The following CD3D variants were observed in gnomAD, a reference collection of about 807,000 sequenced individuals.
CD3D encodes CD3 delta subunit of T-cell receptor complex.
Under a neutral mutation model 22.0 loss-of-function variants are expected in CD3D, and 22 were observed. The ratio of observed to expected loss-of-function variants is 1.00; its 90% CI spans 0.71 to 1.43. The LOEUF is 1.43. Among genes scored for constraint, CD3D ranks in the 40% most tolerant of loss-of-function variants. CD3D has a pLI of 0.00. For missense variants in CD3D, 205 were observed against 211.7 expected, an observed-to-expected ratio of 0.97 and a Z score of 0.20; for synonymous variants, 74 against 81.2, an observed-to-expected ratio of 0.91 and a Z score of 0.48.
rs1191172324 is a variant in CD3D at position 118,340,558 on chromosome 11, C to T, written c.91G>A (p.Asp31Asn). 1 of 1,613,950 alleles carries T rather than the reference C, an allele frequency of 6.2e-7. No homozygotes were observed. The highest frequency in any genetic ancestry group is 1.3e-5 in the African/African-American group (1 of 74,894). ...PFKIPIEELE[D>N]RVFVNCNTSI... ...GTATTGCAATTCACAAACACTCTGT[C>T]CTCAAGTTCCTCTATAGGTATCTTG... is the stretch of plus-strand genomic sequence containing the variant. The change falls in exon 2 of 5, where the codon GAC becomes AAC. Residue 31 changes from aspartate (D) to asparagine (N), a missense_variant. Physicochemically the swap from Asp to Asn is conservative, Grantham distance 23 (BLOSUM62 1). Transcript: ENST00000300692.
intron 1 of CD3D, 23 bp downstream of exon 1, chr11:118,342,530 C>A: frequency 6.2e-7 from 1 of 1,611,038 alleles, no homozygotes; most frequent in Non-Finnish European, 8.5e-7. Flanking sequence ...GTCCCTTCCC[C>A]CACCCACCTG....
At chr11:118,339,271 C>T in intron 4 of CD3D, 44 bp from the exon 5 acceptor site, 1 of 1,586,818 alleles carries the variant, frequency 6.3e-7, no homozygotes, top group South Asian at 1.1e-5. Flanking sequence ...AGGGTTAGAA[C>T]TCTTCAAGGA....
At chr11:118,339,724 A>G in intron 3 of CD3D, 51 bp downstream of exon 3, 1 of 1,610,368 alleles carries the variant, frequency 6.2e-7, no homozygotes, top group South Asian at 1.1e-5. Flanking sequence ...ACACACACAC[A>G]CACACACACA....
chr11:118,342,489 G>T, intron 1 of CD3D, 64 bp downstream of exon 1: 1 of 1,421,802 alleles, frequency 7.0e-7, no homozygotes, highest in Non-Finnish European at 9.9e-7. Flanking sequence ...TTTCAAGTGG[G>T]CCTCACTCCC....
chr11:118,340,541 A>G lies in CD3D; in HGVS notation c.108T>C (p.Asn36=). 1 of 1,614,080 alleles carries G rather than the reference A, an allele frequency of 6.2e-7. No individual in the cohort carries two copies. Among genetic ancestry groups the G allele is most frequent in the East Asian group, 2.2e-5 (1 of 44,858 alleles). ...CTACCCATGTGATGCTGGTATTGCA[A>G]TTCACAAACACTCTGTCCTCAAGTT... is the stretch of plus-strand genomic sequence containing the variant. ...IEELEDRVFV[N]CNTSITWVEG... is the part of the protein sequence containing the mutation. Residue 36 remains asparagine (N), a synonymous_variant, in exon 2 of 5, where the codon AAT becomes AAC. Coordinates refer to ENST00000300692, the MANE Select transcript of CD3D (RefSeq NM_000732.6).
chr11:118,339,362 C>G (rs1296927698), intron 4 of CD3D, 89 bp downstream of exon 4: 1 of 1,526,758 alleles, frequency 6.5e-7, no homozygotes, highest in Non-Finnish European at 9.1e-7. Context: ...CCAGTAGGAC[C>G]CTTCCCACGT....
Position 118,339,236 on chromosome 11 carries a change from G to A in CD3D, c.451-9C>T, listed in dbSNP as rs768234684. On this transcript the variant is annotated splice_polypyrimidine_tract_variant and intron_variant, in intron 4 of 4. Transcript: ENST00000300692. ...TCTCGATCTCGGAGGGGCTAAGAGA[G>A]GAGAAGAGAAAACGGTCAGGAGGCA... The A allele has an allele frequency of 9.9e-6, 16 of 1,613,076 alleles. No homozygotes were observed. Among genetic ancestry groups the A allele is most frequent in the Non-Finnish European group, 1.4e-5 (16 of 1,179,224 alleles).
chr11:118,339,744 A>AG, intron 3 of CD3D, 31 bp downstream of exon 3: 2 of 1,610,574 alleles, frequency 1.2e-6, no homozygotes, highest in Non-Finnish European at 1.7e-6. Flanking sequence ...ACACACACAA[A>AG]CACACTCTCA....
chr11:118,340,112 C>T (rs1159424438), intron 2 of CD3D, among the ~76,000 whole-genome samples: 1 of 152,146 alleles, frequency 6.6e-6, no homozygotes, highest in Non-Finnish European at 1.5e-5. Flanking sequence ...GAAGTAATCT[C>T]AGCTTTTGGG....
chr11:118,339,109 G>A lies in CD3D; in HGVS notation c.*53C>T, dbSNP rs2134058443. ...GAGGATATATTTATTGGCTGAGCAA[G>A]AAGGGAAGGTACAGTTGGTAATGGC... On this transcript the variant is annotated 3_prime_UTR_variant, in exon 5 of 5. Coordinates refer to ENST00000300692, the MANE Select transcript of CD3D (RefSeq NM_000732.6). 1 of 1,445,704 alleles carries A rather than the reference G, an allele frequency of 6.9e-7. No individual in the cohort carries two copies. Among genetic ancestry groups the A allele is most frequent in the South Asian group, 1.1e-5 (1 of 87,746 alleles). The allele number at this position is 1,445,704 out of a possible 1,614,324, so 89.6% of individuals were successfully genotyped here.
rs3212267 is a variant in CD3D at position 118,339,446 on chromosome 11, C to T, written c.450+5G>A. 2.9e-5 allele frequency: 46 copies of T among 1,613,996 alleles called. No homozygotes were observed. The highest frequency in any genetic ancestry group is 3.1e-5 in the Non-Finnish European group (37 of 1,180,016). On this transcript the variant is annotated splice_donor_5th_base_variant and intron_variant, in intron 4 of 4. Coordinates refer to ENST00000300692, the MANE Select transcript of CD3D (RefSeq NM_000732.6). Reference sequence around the variant, plus strand: ...CATTCCTGCCTCCTTCCCCTCAACGCTCACCTGATAGACCTGGTCATTCCT... The same window carrying T: ...CATTCCTGCCTCCTTCCCCTCAACGTTCACCTGATAGACCTGGTCATTCCT...
rs745794915 is a variant in CD3D at position 118,339,225 on chromosome 11, G to A, written c.453C>T (p.Pro151=). ...ACTGAGCATCATCTCGATCTCGGAG[G>A]GGCTAAGAGAGGAGAAGAGAAAACG... is the stretch of plus-strand genomic sequence containing the variant. ...ALLRNDQVYQ[P]LRDRDDAQYS... is the part of the protein sequence containing the mutation. The change falls in exon 5 of 5, where the codon CCC becomes CCT. Residue 151 remains proline, a splice_region_variant and synonymous_variant. Transcript: ENST00000300692. The A allele has an allele frequency of 1.3e-5, 21 of 1,613,708 alleles. No homozygotes were observed. Among genetic ancestry groups the A allele is most frequent in the Non-Finnish European group, 1.8e-5 (21 of 1,179,808 alleles).
At chr11:118,341,584 A>C (rs2134060858) in intron 1 of CD3D, among the ~76,000 whole-genome samples, 1 of 152,338 alleles carries the variant, frequency 6.6e-6, no homozygotes, top group Admixed American at 6.5e-5. Context: ...AGACACATGC[A>C]CATCAAATGC....
At chr11:118,342,185 T>C (rs1418230540) in intron 1 of CD3D, among the ~76,000 whole-genome samples, 1 of 151,870 alleles carries the variant, frequency 6.6e-6, no homozygotes, top group Non-Finnish European at 1.5e-5. Flanking sequence ...CTTTTTTTTT[T>C]TTTTGAGATA....
intron 1 of CD3D, among the ~76,000 whole-genome samples, chr11:118,341,097 C>G (rs759698235): frequency 6.6e-6 from 1 of 152,218 alleles, no homozygotes; most frequent in Non-Finnish European, 1.5e-5. Flanking sequence ...ACCAAGAAAG[C>G]GGGGCTCTCA....
intron 1 of CD3D, among the ~76,000 whole-genome samples, chr11:118,341,585 C>T (rs1948300452): frequency 6.6e-6 from 1 of 152,202 alleles, no homozygotes; most frequent in Non-Finnish European, 1.5e-5. Flanking sequence ...GACACATGCA[C>T]ATCAAATGCT....
rs201422803 is a variant in CD3D at position 118,340,482 on chromosome 11, G to C, written c.167C>G (p.Thr56Arg). ...GTVGTLLSDI[T>R]RLDLGKRILD... ...GATGCGTTTTCCCAGGTCCAGTCTT[G>C]TAATGTCTGAGAGCAGTGTTCCCAC... The change falls in exon 2 of 5, where the codon ACA (threonine) becomes AGA (arginine). Residue 56 changes from threonine (T) to arginine (R), a missense_variant. By Grantham distance (71) the Thr-to-Arg change is moderately conservative. Transcript: ENST00000300692. 4 of 1,613,800 alleles carry C rather than the reference G, an allele frequency of 2.5e-6. No individual in the cohort carries two copies. In the Admixed American group the frequency reaches 5.0e-5, roughly 20 times the overall value.
At chr11:118,340,661 A>G in intron 1 of CD3D, 68 bp from the exon 2 acceptor site, 2 of 1,117,898 alleles carry the variant, frequency 1.8e-6, no homozygotes, top group Non-Finnish European at 1.3e-6. Flanking sequence ...TGTTCTGCGG[A>G]AGCTCATACT....
chr11:118,339,648 T>C (rs549491788), intron 3 of CD3D, 127 bp downstream of exon 3: 1 of 1,563,604 alleles, frequency 6.4e-7, no homozygotes, highest in South Asian at 1.1e-5. Context: ...CAAGAGTAAC[T>C]CCCAGCTGAG....
Sources: allele counts gnomAD v4.1 joint callset (sites outside exome capture counted in the v4.1 genomes callset), GRCh38; gene constraint gnomAD v4.1.1; transcripts MANE v1.5; gene names NCBI Gene and HGNC (gene_info 2026-07-23, HGNC 2026-07-21).